Variants in THADA observed in about 807,000 individuals in gnomAD.
THADA encodes THADA armadillo repeat containing.
A neutral mutation model predicts 219.8 loss-of-function variants in THADA; 213 were observed. That is an observed-to-expected ratio of 0.97 (90% CI 0.87 to 1.09). The LOEUF (loss-of-function observed/expected upper bound fraction) is 1.09. Ranked by LOEUF, THADA falls within the 50% of genes least tolerant of loss-of-function variation. The pLI is 0.00. For missense variants in THADA, 2,956 were observed against 2,311.3 expected, an observed-to-expected ratio of 1.28 and a Z score of -5.72; for synonymous variants, 1,018 against 828.9, an observed-to-expected ratio of 1.23 and a Z score of -3.92.
intron 31 of THADA, among the ~76,000 whole-genome samples, chr2:43,311,013 C>A (rs58326633): frequency 0.031 from 4,780 of 152,094 alleles, 212 homozygotes; most frequent in African/African-American, 0.11. Context: ...CCTGTCTCTA[C>A]TAAAAATACA....
At chr2:43,393,381 A>C (rs556208432) in intron 29 of THADA, among the ~76,000 whole-genome samples, 5 of 152,292 alleles carry the variant, frequency 3.3e-5, no homozygotes, top group African/African-American at 9.6e-5. Context: ...AGCACATTCT[A>C]AAGAAAATAG....
chr2:43,473,649 C>T (rs1051345254), intron 26 of THADA, among the ~76,000 whole-genome samples: 4 of 151,816 alleles, frequency 2.6e-5, no homozygotes, highest in Admixed American at 2.6e-4. Context: ...CTCACTCTCA[C>T]CCAGGCTGGA....
chr2:43,504,207 G>A (rs971497983), intron 24 of THADA, among the ~76,000 whole-genome samples: 1 of 152,150 alleles, frequency 6.6e-6, no homozygotes, highest in Non-Finnish European at 1.5e-5. Context: ...ACTGAAAAAT[G>A]TCTTGAAGTG....
chr2:43,327,969 CA>C (rs1454696151), intron 30 of THADA, among the ~76,000 whole-genome samples: 3 of 152,164 alleles, frequency 2.0e-5, no homozygotes, highest in Non-Finnish European at 4.4e-5. Flanking sequence ...GTCCATGGAC[CA>C]GATACTGCCT....
rs546804460 is a variant in THADA, at chr2:43,472,153, C to T, written c.3836+13081G>A. 1.4e-4 allele frequency among the ~76,000 whole-genome samples: 21 copies of T among 152,322 alleles called. No individual in the cohort carries two copies. In the South Asian group the frequency reaches 4.4e-3, roughly 32 times the overall value. ...TGCCATGGATGTCATGGAATTTGAT[C>T]TTCATGGGACAGCCAACCAGTTTGG... On this transcript the variant is annotated intron_variant, in intron 26 of 37. Coordinates refer to ENST00000405975, the MANE Select transcript of THADA (RefSeq NM_022065.5).
intron 20 of THADA, 124 bp from the exon 21 acceptor site, chr2:43,541,440 T>C (rs1695298914): frequency 3.7e-6 from 4 of 1,071,610 alleles, no homozygotes; most frequent in Non-Finnish European, 5.5e-6. Flanking sequence ...TGTCATGTTA[T>C]ATTTACTCAG....
chr2:43,411,448 G>A (rs1002438648), intron 28 of THADA, among the ~76,000 whole-genome samples: 1 of 152,066 alleles, frequency 6.6e-6, no homozygotes, highest in African/African-American at 2.4e-5. Flanking sequence ...TGTATTCAGC[G>A]GTATGATTTC....
intron 26 of THADA, among the ~76,000 whole-genome samples, chr2:43,445,733 G>A (rs1448267168): frequency 3.3e-5 from 5 of 152,168 alleles, no homozygotes; most frequent in African/African-American, 1.2e-4. Context: ...GAGTGCGGTA[G>A]CACAGTCAGA....
chr2:43,595,148 A>C (rs1370950200), intron 1 of THADA, among the ~76,000 whole-genome samples: 1 of 152,194 alleles, frequency 6.6e-6, no homozygotes, highest in Non-Finnish European at 1.5e-5. Context: ...TCTAGAAGGG[A>C]TATATGTCTT....
intron 36 of THADA, among the ~76,000 whole-genome samples, chr2:43,278,768 G>T (rs896003873): frequency 1.3e-5 from 2 of 152,160 alleles, no homozygotes; most frequent in African/African-American, 4.8e-5. Context: ...GGCTTCCAGG[G>T]AACACAATCC....
At chr2:43,386,060 A>C (rs1313401043) in intron 29 of THADA, among the ~76,000 whole-genome samples, 1 of 152,184 alleles carries the variant, frequency 6.6e-6, no homozygotes, top group African/African-American at 2.4e-5. Flanking sequence ...TCAGTAAAAC[A>C]TCTGATATCT....
At chr2:43,409,915 G>A (rs1477275490) in intron 28 of THADA, among the ~76,000 whole-genome samples, 1 of 151,994 alleles carries the variant, frequency 6.6e-6, no homozygotes, top group Non-Finnish European at 1.5e-5. Context: ...TACTCAGGAG[G>A]CTGAGGTAGG....
At chr2:43,571,493 G>T (rs1451420724) in intron 13 of THADA, among the ~76,000 whole-genome samples, 1 of 151,888 alleles carries the variant, frequency 6.6e-6, no homozygotes, top group African/African-American at 2.4e-5. Context: ...AAAAAATGGT[G>T]GGGGGAGGGG....
At chr2:43,514,192 G>A (rs1690865847) in intron 22 of THADA, among the ~76,000 whole-genome samples, 1 of 151,882 alleles carries the variant, frequency 6.6e-6, no homozygotes, top group Non-Finnish European at 1.5e-5. Flanking sequence ...GCTCACGCCT[G>A]TAATCCCAGC....
chr2:43,539,804 T>C (rs1247085207), intron 21 of THADA, among the ~76,000 whole-genome samples: 2 of 150,110 alleles, frequency 1.3e-5, no homozygotes, highest in African/African-American at 2.5e-5. Context: ...TGATAATTGT[T>C]TTTTTTTTTA....
At chr2:43,405,972 A>G (rs1675478240) in intron 28 of THADA, among the ~76,000 whole-genome samples, 1 of 152,358 alleles carries the variant, frequency 6.6e-6, no homozygotes, top group Non-Finnish European at 1.5e-5. Context: ...TCTAAGCCTC[A>G]GAAAAGCATG....
chr2:43,527,619 A>G (rs770850251), intron 22 of THADA, among the ~76,000 whole-genome samples: 4 of 152,126 alleles, frequency 2.6e-5, no homozygotes, highest in Non-Finnish European at 4.4e-5. Context: ...CAGTAATTTC[A>G]AAGCTATTTT....
At chr2:43,469,486 C>A (rs1200873597) in intron 26 of THADA, among the ~76,000 whole-genome samples, 3 of 152,044 alleles carry the variant, frequency 2.0e-5, no homozygotes, top group African/African-American at 7.2e-5. Flanking sequence ...ACGGAAATTT[C>A]CCCCTCACAT....
At position 43,572,895 on chromosome 2, in the gene THADA, A is replaced by C. The variant is rs1699453037; in HGVS notation, c.1827T>G (p.His609Gln). ...ACLRIARAHG[H>Q]LQSATDTWEN... is the part of the protein sequence containing the mutation. ...CCCAGGTATCAGTTGCAGACTGAAG[A>C]TGTCCATGAGCTCTAGCTATTCGCA... The change falls in exon 12 of 38, where the codon CAT becomes CAG. Residue 609 changes from histidine (H) to glutamine (Q), a missense_variant. By Grantham distance (24) the His-to-Gln change is conservative (BLOSUM62 0). Coordinates refer to ENST00000405975, the MANE Select transcript of THADA (RefSeq NM_022065.5). 1.2e-6 allele frequency: 2 copies of C among 1,613,830 alleles called. No homozygotes were observed. The highest frequency in any genetic ancestry group is 1.7e-6 in the Non-Finnish European group (2 of 1,179,864).
Sources: gnomAD v4.1 joint callset for allele counts (sites outside exome capture counted in the v4.1 genomes callset) on GRCh38, gnomAD v4.1.1 for gene constraint, MANE v1.5 for transcripts, NCBI Gene and HGNC (gene_info 2026-07-23, HGNC 2026-07-21) for gene names.